The following TNIK variants were observed in gnomAD, a reference collection of about 807,000 sequenced individuals.
TNIK encodes the protein TRAF2 and NCK-interacting protein kinase.
A neutral mutation model predicts 191.3 loss-of-function variants in TNIK; 49 were observed. That is an observed-to-expected ratio of 0.26 (90% CI 0.20 to 0.32). The LOEUF is 0.32. TNIK is among the 10% of genes least tolerant of loss of function. The pLI, the probability that TNIK is intolerant of heterozygous loss-of-function variation, is 1.00. For missense variants in TNIK, 1,155 were observed against 1,702.3 expected, an observed-to-expected ratio of 0.68 and a Z score of 5.66; for synonymous variants, 594 against 600.9, an observed-to-expected ratio of 0.99 and a Z score of 0.17.
intron 28 of TNIK, among the ~76,000 whole-genome samples, chr3:171,074,802 T>G (rs568669622): frequency 2.0e-5 from 3 of 152,364 alleles, no homozygotes; most frequent in Admixed American, 6.5e-5. Flanking sequence ...GGCTGGAATT[T>G]CATAGGGGAA....
chr3:171,340,988 G>C (rs1309477951), intron 2 of TNIK, among the ~76,000 whole-genome samples: 2 of 152,052 alleles, frequency 1.3e-5, no homozygotes, highest in Non-Finnish European at 2.9e-5. Flanking sequence ...GAAGAAGAGA[G>C]CTATTGGAGA....
chr3:171,244,357 G>C (rs149612242), intron 2 of TNIK, among the ~76,000 whole-genome samples: 4 of 152,102 alleles, frequency 2.6e-5, no homozygotes, highest in Non-Finnish European at 5.9e-5. Context: ...GAGCCACTGC[G>C]CCCGGCCAGA....
intron 2 of TNIK, among the ~76,000 whole-genome samples, chr3:171,247,726 G>A (rs1560317697): frequency 1.3e-5 from 2 of 152,158 alleles, no homozygotes; most frequent in Admixed American, 6.5e-5. Context: ...CAGGAAGGAG[G>A]ATGTGATGAG....
chr3:171,244,536 C>CTGCA (rs1043743779), intron 2 of TNIK, among the ~76,000 whole-genome samples: 15 of 152,038 alleles, frequency 9.9e-5, no homozygotes, highest in Admixed American at 5.9e-4. Flanking sequence ...AAGGGATTTG[C>CTGCA]TGCATTCCAA....
At chr3:171,383,010 A>C (rs1216953482) in intron 1 of TNIK, among the ~76,000 whole-genome samples, 1 of 152,232 alleles carries the variant, frequency 6.6e-6, no homozygotes, top group Admixed American at 6.5e-5. Context: ...TATTTTGCAA[A>C]GGTTATTTTA....
intron 2 of TNIK, among the ~76,000 whole-genome samples, chr3:171,249,366 T>C (rs960286854): frequency 1.3e-5 from 2 of 152,190 alleles, no homozygotes; most frequent in East Asian, 1.9e-4. Context: ...ATCAGATCTG[T>C]ACAAATGTAA....
intron 2 of TNIK, among the ~76,000 whole-genome samples, chr3:171,229,111 T>C (rs912956687): frequency 1.1e-4 from 16 of 152,182 alleles, no homozygotes; most frequent in African/African-American, 3.9e-4. Context: ...AGCCTCAGTT[T>C]CCTCATCTCA....
At chr3:171,432,415 A>C (rs2108662831) in intron 1 of TNIK, among the ~76,000 whole-genome samples, 1 of 152,358 alleles carries the variant, frequency 6.6e-6, no homozygotes, top group Non-Finnish European at 1.5e-5. Flanking sequence ...ACATGTGGAC[A>C]AAAACCTGCT....
At chr3:171,121,087 T>C (rs1255630015) in intron 18 of TNIK, among the ~76,000 whole-genome samples, 1 of 152,180 alleles carries the variant, frequency 6.6e-6, no homozygotes, top group African/African-American at 2.4e-5. Flanking sequence ...CATTTTAACT[T>C]TGCTAATTTT....
At chr3:171,076,140 G>C (rs749712094) in intron 28 of TNIK, among the ~76,000 whole-genome samples, 3 of 151,146 alleles carry the variant, frequency 2.0e-5, no homozygotes, top group Non-Finnish European at 4.4e-5. Flanking sequence ...GTAAAACTGT[G>C]AGTGACATGT....
At chr3:171,156,910 G>A (rs981113330) in intron 12 of TNIK, among the ~76,000 whole-genome samples, 2 of 152,188 alleles carry the variant, frequency 1.3e-5, no homozygotes, top group African/African-American at 2.4e-5. Context: ...CTGTGATCTA[G>A]TTAATACCTA....
intron 2 of TNIK, among the ~76,000 whole-genome samples, chr3:171,368,941 G>GTTT (rs5854417): frequency 6.1e-5 from 9 of 146,892 alleles, no homozygotes; most frequent in East Asian, 2.0e-4. Flanking sequence ...CATTTTTTTT[G>GTTT]TTTTTTTTTT....
intron 2 of TNIK, among the ~76,000 whole-genome samples, chr3:171,268,993 A>G (rs1252291738): frequency 6.6e-6 from 1 of 152,218 alleles, no homozygotes; most frequent in East Asian, 1.9e-4. Flanking sequence ...CTTCTTTTGC[A>G]GAGTAATTCA....
intron 4 of TNIK, among the ~76,000 whole-genome samples, chr3:171,198,750 G>A (rs989460761): frequency 4.6e-5 from 7 of 152,144 alleles, no homozygotes; most frequent in Non-Finnish European, 8.8e-5. Flanking sequence ...CAAAGTTAAA[G>A]AAAGTCCCAT....
At chr3:171,425,910 C>T (rs185218216) in intron 1 of TNIK, among the ~76,000 whole-genome samples, 68 of 151,784 alleles carry the variant, frequency 4.5e-4, no homozygotes, top group African/African-American at 1.5e-3. Flanking sequence ...TCTTGGACAG[C>T]GCTGGAGAGC....
At chr3:171,113,070 G>T (rs568585022) in intron 18 of TNIK, among the ~76,000 whole-genome samples, 4 of 152,260 alleles carry the variant, frequency 2.6e-5, no homozygotes, top group South Asian at 2.1e-4. Flanking sequence ...TCCATACAAG[G>T]TTTTATACTA....
In TNIK at chr3:171,140,390, C is replaced by T; in HGVS notation, c.1332+9G>A. The T allele has an allele frequency of 6.4e-7, 1 of 1,563,780 alleles. No homozygotes were observed. Among genetic ancestry groups the T allele is most frequent in the Non-Finnish European group, 8.7e-7 (1 of 1,155,522 alleles). On this transcript the variant is annotated intron_variant, in intron 13 of 32. Coordinates refer to ENST00000436636, the MANE Select transcript of TNIK (RefSeq NM_015028.4). ...GGGCCATCAGTGGGGCTCCTGGTCC[C>T]AGCTGTACCTGTTCATGCTCCGCAC...
Position 171,194,434 on chromosome 3 carries a change from T to C in TNIK, c.417+91A>G, listed in dbSNP as rs977299310. On this transcript the variant is annotated intron_variant, in intron 5 of 32. Transcript: ENST00000436636. The stretch of plus-strand genomic sequence containing the variant: ...TTTTTGATATGCTTATGAATTTCAC[T>C]AGAAAGTCAGAAAAAAATTCAATCC... 3.2e-5 allele frequency: 36 copies of C among 1,140,060 alleles called. No individual in the cohort carries two copies. The African/African-American group carries it at 5.0e-4, about 16-fold the overall frequency. The allele number at this position is 1,140,060 out of a possible 1,614,324, so 70.6% of individuals were successfully genotyped here. A position where few individuals can be genotyped will look rare whatever the true frequency, so the allele number is the denominator to read the frequency against.
intron 2 of TNIK, among the ~76,000 whole-genome samples, chr3:171,354,727 G>C (rs911027365): frequency 6.6e-6 from 1 of 152,172 alleles, no homozygotes; most frequent in Non-Finnish European, 1.5e-5. Context: ...ATTGGGCTGT[G>C]AAAGAAAACA....
Sources: allele counts gnomAD v4.1 joint callset (sites outside exome capture counted in the v4.1 genomes callset), GRCh38; gene constraint gnomAD v4.1.1; transcripts MANE v1.5; gene names NCBI Gene and HGNC (gene_info 2026-07-23, HGNC 2026-07-21).